The following TARBP1 variants were observed in gnomAD, a reference collection of about 807,000 sequenced individuals.
TARBP1 encodes tRNA (guanosine(18)-2'-O)-methyltransferase TARBP1.
In TARBP1, 144 loss-of-function variants were observed where a neutral mutation model predicts 178.6. The observed-to-expected ratio is 0.81, with a 90% CI of 0.70 to 0.93. TARBP1 has a LOEUF of 0.93. Ranked by LOEUF, TARBP1 falls within the 40% of genes least tolerant of loss-of-function variation. The pLI, the probability that TARBP1 is intolerant of heterozygous loss-of-function variation, is 0.00. For missense variants in TARBP1, 2,067 were observed against 2,011.7 expected (o/e 1.03, Z -0.53); for synonymous variants, 787 against 781.0 (o/e 1.01, Z -0.13).
chr1:234,437,077 C>G (rs1306187409), intron 13 of TARBP1, among the ~76,000 whole-genome samples, 198 bp downstream of exon 13: 1 of 152,080 alleles, frequency 6.6e-6, no homozygotes, highest in African/African-American at 2.4e-5. Context: ...TGTAACTTGC[C>G]CAAGGTCACA....
chr1:234,451,955 T>C (rs184931603), intron 9 of TARBP1, among the ~76,000 whole-genome samples: 83 of 152,274 alleles, frequency 5.5e-4, no homozygotes, highest in African/African-American at 1.7e-3. Context: ...ACACTTTTCT[T>C]TGCATTCCTC....
chr1:234,453,140 T>C (rs1436218748), intron 9 of TARBP1, among the ~76,000 whole-genome samples: 1 of 152,190 alleles, frequency 6.6e-6, no homozygotes, highest in East Asian at 1.9e-4. Context: ...GCCCATGGAA[T>C]GTACAATGTG....
intron 13 of TARBP1, among the ~76,000 whole-genome samples, chr1:234,434,673 G>C (rs936645984): frequency 6.6e-6 from 1 of 152,194 alleles, no homozygotes; most frequent in South Asian, 2.1e-4. Flanking sequence ...TCAGAAGGGT[G>C]GTCTGAGGTG....
chr1:234,460,322 T>C lies in TARBP1; in HGVS notation c.1474A>G (p.Lys492Glu), dbSNP rs1218440479. Residue 492 changes from lysine to glutamate, a missense_variant, in exon 7 of 30, where the codon AAG becomes GAG. Transcript: ENST00000040877. ...TGTCTTGGGACATTTGCCAAAGCCT[T>C]AGATAGAAACAAAATGGGAACAGCA... ...WCAVPILFLS[K>E]ALANVPRHKA... 4 of 1,614,182 alleles carry C rather than the reference T, an allele frequency of 2.5e-6. No homozygotes were observed. In the South Asian group the frequency reaches 4.4e-5, roughly 18 times the overall value.
intron 15 of TARBP1, 91 bp from the exon 16 acceptor site, chr1:234,429,768 G>A (rs1298252609): frequency 4.8e-6 from 4 of 838,892 alleles, no homozygotes; most frequent in South Asian, 2.6e-5. Context: ...TAAAGGTGGG[G>A]GGGGGGGGGC....
intron 12 of TARBP1, among the ~76,000 whole-genome samples, chr1:234,444,535 A>C (rs555170066): frequency 4.6e-5 from 7 of 152,226 alleles, no homozygotes; most frequent in African/African-American, 1.7e-4. Context: ...ATCACTGTGA[A>C]TTCACGATCG....
Position 234,420,694 on chromosome 1 carries a change from T to C in TARBP1, c.3555+8A>G. 2 of 1,576,700 alleles carry C rather than the reference T, an allele frequency of 1.3e-6. No individual in the cohort carries two copies. Among genetic ancestry groups the C allele is most frequent in the Non-Finnish European group, 1.7e-6 (2 of 1,152,834 alleles). On this transcript the variant is annotated splice_region_variant and intron_variant, in intron 21 of 29. Coordinates refer to ENST00000040877, the MANE Select transcript of TARBP1 (RefSeq NM_005646.4). ...TTCAAAGGTACAAATATAATAAAAA[T>C]ATGATACCTGGTCAAGTCTAGGGAA...
intron 7 of TARBP1, 55 bp downstream of exon 7, chr1:234,460,206 A>G: frequency 1.3e-6 from 2 of 1,538,476 alleles, no homozygotes; most frequent in African/African-American, 1.4e-5. Context: ...AAATATATAT[A>G]TTGATGGAAA....
At chr1:234,409,226 G>A (rs551861191) in intron 23 of TARBP1, among the ~76,000 whole-genome samples, 4 of 151,372 alleles carry the variant, frequency 2.6e-5, no homozygotes, top group Admixed American at 1.3e-4. Flanking sequence ...TGGATGTTTC[G>A]AAAATAAAAA....
chr1:234,446,707 TTCTC>T (rs1340330913), intron 12 of TARBP1, 92 bp downstream of exon 12: 3 of 760,964 alleles, frequency 3.9e-6, no homozygotes, highest in Non-Finnish European at 5.3e-6. Flanking sequence ...ATAAAAAGTT[TTCTC>T]TTTGTTTTAA....
At chr1:234,391,901 C>G (rs534490433) in intron 29 of TARBP1, among the ~76,000 whole-genome samples, 156 bp from the exon 30 acceptor site, 13 of 151,778 alleles carry the variant, frequency 8.6e-5, no homozygotes, top group African/African-American at 2.9e-4. Context: ...GTCTGTAGTA[C>G]CGGGAAATAA....
rs1669890506 is a variant in TARBP1 at position 234,479,128 on chromosome 1, C to T, written c.-25G>A. 2 of 1,510,488 alleles carry T rather than the reference C, an allele frequency of 1.3e-6. No homozygotes were observed. The highest frequency in any genetic ancestry group is 2.7e-5 in the East Asian group (1 of 36,598). The allele number at this position is 1,510,488 out of a possible 1,614,324, so 93.6% of individuals were successfully genotyped here. ...TTTGCCGAGCGCCCGCGCCACCGGC[C>T]CGGGCTCCCAAAGGAAGGCGCCGGC... On this transcript the variant is annotated 5_prime_UTR_variant, in exon 1 of 30. Coordinates refer to ENST00000040877, the MANE Select transcript of TARBP1 (RefSeq NM_005646.4).
intron 1 of TARBP1, among the ~76,000 whole-genome samples, chr1:234,477,796 A>G (rs1669704685): frequency 6.6e-6 from 1 of 152,228 alleles, no homozygotes; most frequent in Admixed American, 6.5e-5. Flanking sequence ...GTCAGTACAG[A>G]TAAATAACAA....
Position 234,478,855 on chromosome 1 carries a change from G to T in TARBP1, c.249C>A (p.Gly83=). ...LRSLRGRPAG[G]PDPSLQPRHR... ...GGCGAGGCTGCAGACTGGGGTCCGG[G>T]CCGCCCGCGGGGCGTCCGCGCAGGC... Residue 83 remains glycine, a synonymous_variant, in exon 1 of 30, where the codon GGC becomes GGA. Coordinates refer to ENST00000040877, the MANE Select transcript of TARBP1 (RefSeq NM_005646.4). The T allele has an allele frequency of 1.6e-5, 20 of 1,262,626 alleles. No homozygotes were observed. The highest frequency in any genetic ancestry group is 2.0e-5 in the Non-Finnish European group (20 of 1,008,024). 78.2% of individuals were successfully genotyped at this position (1,262,626 alleles called of 1,614,324 possible).
Position 234,471,269 on chromosome 1 carries a change from A to G in TARBP1, c.1030-12T>C. 6.5e-7 allele frequency: 1 copy of G among 1,542,998 alleles called. No homozygotes were observed. The highest frequency in any genetic ancestry group is 8.8e-7 in the Non-Finnish European group (1 of 1,135,742). On this transcript the variant is annotated splice_polypyrimidine_tract_variant and intron_variant, in intron 2 of 29. Coordinates refer to ENST00000040877, the MANE Select transcript of TARBP1 (RefSeq NM_005646.4). ...TTTATAACATGTATCTAAAAATAAG[A>G]GCAAAAAAATCATATGAAATGAAAA...
chr1:234,471,320 T>C, intron 2 of TARBP1, 63 bp from the exon 3 acceptor site: 1 of 1,057,920 alleles, frequency 9.5e-7, no homozygotes, highest in Non-Finnish European at 1.4e-6. Flanking sequence ...GTCAGGCAAT[T>C]TTCATCTCTT....
intron 26 of TARBP1, among the ~76,000 whole-genome samples, chr1:234,397,009 A>C (rs1660005302): frequency 6.6e-6 from 1 of 151,618 alleles, no homozygotes; most frequent in Non-Finnish European, 1.5e-5. Flanking sequence ...CGGACTGTGT[A>C]AAAGAAACCG....
intron 26 of TARBP1, among the ~76,000 whole-genome samples, chr1:234,394,321 A>T (rs1417022965): frequency 1.3e-5 from 2 of 152,242 alleles, no homozygotes; most frequent in Non-Finnish European, 2.9e-5. Context: ...AAAATGAAGG[A>T]TGTTGTATAA....
At chr1:234,430,772 G>A (rs906196694) in intron 14 of TARBP1, among the ~76,000 whole-genome samples, 12 of 152,198 alleles carry the variant, frequency 7.9e-5, no homozygotes, top group African/African-American at 1.9e-4. Context: ...TCAGCTGCAC[G>A]CTACTTTTGG....
Sources: allele counts gnomAD v4.1 joint callset (sites outside exome capture counted in the v4.1 genomes callset), GRCh38; gene constraint gnomAD v4.1.1; transcripts MANE v1.5; gene names NCBI Gene and HGNC (gene_info 2026-07-23, HGNC 2026-07-21).